The following ADAMTS12 variants were observed in gnomAD, a reference collection of about 807,000 sequenced individuals.
ADAMTS12 encodes the protein ADAM metallopeptidase with thrombospondin type 1 motif 12, also known as A disintegrin and metalloproteinase with thrombospondin motifs 12.
Under a neutral mutation model 167.8 loss-of-function variants are expected in ADAMTS12, and 118 were observed. That is an observed-to-expected ratio of 0.70 (90% confidence interval 0.61 to 0.82). ADAMTS12 has a LOEUF of 0.82. Among genes scored for constraint, ADAMTS12 ranks in the 40% least tolerant of loss-of-function variants. ADAMTS12 has a pLI of 0.00. For missense variants in ADAMTS12, 1,916 were observed against 1,998.8 expected (o/e 0.96, Z 0.79); for synonymous variants, 704 against 716.9 (o/e 0.98, Z 0.29).
At chr5:33,878,728 T>C (rs752639405) in intron 2 of ADAMTS12, among the ~76,000 whole-genome samples, 1 of 152,220 alleles carries the variant, frequency 6.6e-6, no homozygotes, top group Non-Finnish European at 1.5e-5. Context: ...CAACATTGAC[T>C]GCAATTTAGA....
At chr5:33,811,638 C>T (rs1167197094) in intron 2 of ADAMTS12, among the ~76,000 whole-genome samples, 1 of 152,156 alleles carries the variant, frequency 6.6e-6, no homozygotes, top group African/African-American at 2.4e-5. Context: ...TCCTCCAGGG[C>T]CCCATACGTT....
At position 33,615,987 on chromosome 5, in the gene ADAMTS12, G is replaced by A. The variant is rs1738986987; in HGVS notation, c.2229C>T (p.Ile743=). ...EIEGAGNFLA[I]RSEDPEKYYL... The stretch of plus-strand genomic sequence containing the variant: ...AATATTTTTCAGGATCTTCACTCCT[G>A]ATGGCCAGGAAGTTTCCAGCTCCCT... The change falls in exon 15 of 24, where the codon ATC becomes ATT. Residue 743 remains isoleucine, a synonymous_variant. Coordinates refer to ENST00000504830, the MANE Select transcript of ADAMTS12 (RefSeq NM_030955.4). 1.2e-6 allele frequency: 2 copies of A among 1,614,026 alleles called. No individual in the cohort carries two copies.
At chr5:33,567,217 C>T (rs973135159) in intron 19 of ADAMTS12, among the ~76,000 whole-genome samples, 4 of 152,198 alleles carry the variant, frequency 2.6e-5, no homozygotes, top group Non-Finnish European at 4.4e-5. Context: ...TACATGTATG[C>T]CTTTTATCGC....
At chr5:33,577,201 G>A (rs1469280481) in intron 18 of ADAMTS12, 41 bp from the exon 19 acceptor site, 2 of 1,612,796 alleles carry the variant, frequency 1.2e-6, no homozygotes, top group Admixed American at 1.7e-5. Context: ...GAGAGAAGAT[G>A]CTTTTATTCT....
intron 12 of ADAMTS12, among the ~76,000 whole-genome samples, chr5:33,634,302 C>T (rs1176421045): frequency 6.6e-6 from 1 of 152,130 alleles, no homozygotes; most frequent in African/African-American, 2.4e-5. Flanking sequence ...GGACCTCACA[C>T]TTGGTTGAAT....
At chr5:33,633,487 G>T (rs1361826209) in intron 12 of ADAMTS12, among the ~76,000 whole-genome samples, 1 of 151,774 alleles carries the variant, frequency 6.6e-6, no homozygotes, top group Non-Finnish European at 1.5e-5. Context: ...GTCCTCTGCT[G>T]CAACTCTCCC....
intron 13 of ADAMTS12, among the ~76,000 whole-genome samples, chr5:33,626,169 T>C (rs1363000313): frequency 6.6e-6 from 1 of 151,856 alleles, no homozygotes; most frequent in Admixed American, 6.6e-5. Flanking sequence ...GGAACAGTGA[T>C]GGTAGTGGTG....
Position 33,527,044 on chromosome 5 carries a change from A to G in ADAMTS12, c.*144T>C. 1 of 1,099,356 alleles carries G rather than the reference A, an allele frequency of 9.1e-7. No individual in the cohort carries two copies. The highest frequency in any genetic ancestry group is 1.6e-5 in the South Asian group (1 of 64,364). 68.1% of individuals were successfully genotyped at this position (1,099,356 alleles called of 1,614,324 possible). A position where few individuals can be genotyped will look rare whatever the true frequency, so the allele number is the denominator to read the frequency against. On this transcript the variant is annotated 3_prime_UTR_variant, in exon 24 of 24. Coordinates refer to ENST00000504830, the MANE Select transcript of ADAMTS12 (RefSeq NM_030955.4). The stretch of plus-strand genomic sequence containing the variant: ...GTGAGGGACATTCGGTGGCTAGAGG[A>G]ACACAATGGATTTTGTTTCATCATG...
At chr5:33,866,312 T>C (rs1749820409) in intron 2 of ADAMTS12, among the ~76,000 whole-genome samples, 1 of 152,048 alleles carries the variant, frequency 6.6e-6, no homozygotes, top group Admixed American at 6.6e-5. Context: ...CACTGATCTT[T>C]GACAAAAAAT....
chr5:33,790,213 T>C (rs943706921), intron 2 of ADAMTS12, among the ~76,000 whole-genome samples: 2 of 152,220 alleles, frequency 1.3e-5, no homozygotes, highest in African/African-American at 2.4e-5. Flanking sequence ...TCTCCCTTTT[T>C]TTCCTGCCAT....
intron 3 of ADAMTS12, 30 bp from the exon 4 acceptor site, chr5:33,684,085 A>G (rs1457842759): frequency 2.0e-6 from 3 of 1,467,602 alleles, no homozygotes; most frequent in Non-Finnish European, 2.7e-6. Context: ...CAATGGTCTA[A>G]CACTGTATAT....
intron 2 of ADAMTS12, among the ~76,000 whole-genome samples, chr5:33,838,324 T>A (rs1480710243): frequency 3.3e-5 from 5 of 152,118 alleles, no homozygotes; most frequent in Admixed American, 2.0e-4. Context: ...ACATTGGAAA[T>A]GATAGTGTTA....
intron 3 of ADAMTS12, among the ~76,000 whole-genome samples, chr5:33,720,274 T>C (rs1465548226): frequency 1.1e-5 from 1 of 93,178 alleles, no homozygotes; most frequent in African/African-American, 4.2e-5. Flanking sequence ...CCCCTCTCTC[T>C]CTCTCTCACT....
intron 22 of ADAMTS12, among the ~76,000 whole-genome samples, chr5:33,537,072 GC>G (rs1322174060): frequency 6.6e-6 from 1 of 152,300 alleles, no homozygotes; most frequent in African/African-American, 2.4e-5. Flanking sequence ...GATCCAATCT[GC>G]CATAATGTTA....
chr5:33,697,720 C>T (rs145740606), intron 3 of ADAMTS12, among the ~76,000 whole-genome samples: 5,855 of 152,240 alleles, frequency 0.038, 370 homozygotes, highest in African/African-American at 0.14. Context: ...TTCCTCTCTG[C>T]TTTCTTTTAC....
At chr5:33,862,978 G>C (rs146973985) in intron 2 of ADAMTS12, among the ~76,000 whole-genome samples, 1 of 152,072 alleles carries the variant, frequency 6.6e-6, no homozygotes, top group Non-Finnish European at 1.5e-5. Context: ...AAAGGCCTTC[G>C]ATAAAATTCA....
intron 22 of ADAMTS12, among the ~76,000 whole-genome samples, chr5:33,538,352 C>T (rs1307689054): frequency 2.0e-5 from 3 of 152,102 alleles, no homozygotes; most frequent in African/African-American, 4.8e-5. Flanking sequence ...CCCCATGATC[C>T]GCTCACCTGC....
intron 1 of ADAMTS12, among the ~76,000 whole-genome samples, chr5:33,882,556 T>A (rs1410032430): frequency 6.6e-6 from 1 of 152,182 alleles, no homozygotes; most frequent in Non-Finnish European, 1.5e-5. Flanking sequence ...CACTCTGGAT[T>A]ACACTTCTTC....
At chr5:33,815,339 G>A (rs569536733) in intron 2 of ADAMTS12, among the ~76,000 whole-genome samples, 2 of 152,260 alleles carry the variant, frequency 1.3e-5, no homozygotes, top group African/African-American at 4.8e-5. Flanking sequence ...AACAGGTTTA[G>A]ATGAGGCACT....
Sources: gnomAD v4.1 joint callset for allele counts (sites outside exome capture counted in the v4.1 genomes callset) on GRCh38, gnomAD v4.1.1 for gene constraint, MANE v1.5 for transcripts, NCBI Gene and HGNC (gene_info 2026-07-23, HGNC 2026-07-21) for gene names.